The following ERBB4 variants were observed in gnomAD, a reference collection of about 807,000 sequenced individuals.
The protein encoded by ERBB4 is erb-b2 receptor tyrosine kinase 4.
ERBB4 carries 42 observed loss-of-function variants against 158.0 expected under a neutral mutation model. The ratio of observed to expected loss-of-function variants is 0.27; its 90% CI spans 0.21 to 0.34. The LOEUF (loss-of-function observed/expected upper bound fraction) is 0.34. Among genes scored for constraint, ERBB4 ranks in the 10% least tolerant of loss-of-function variants. ERBB4 has a pLI of 1.00. For synonymous variants in ERBB4, 583 were observed against 558.7 expected (o/e 1.04, Z -0.61); for missense variants, 1,333 against 1,624.1 (o/e 0.82, Z 3.08).
At chr2:212,511,003 T>C (rs993505202) in intron 1 of ERBB4, among the ~76,000 whole-genome samples, 1 of 152,112 alleles carries the variant, frequency 6.6e-6, no homozygotes, top group Non-Finnish European at 1.5e-5. Context: ...AAAAATGGAA[T>C]GCAATGATAT....
chr2:212,454,250 C>T (rs984367401), intron 1 of ERBB4, among the ~76,000 whole-genome samples: 4 of 152,224 alleles, frequency 2.6e-5, no homozygotes, highest in Middle Eastern at 6.8e-3. Flanking sequence ...TATTCCTTAA[C>T]TTCTATAACT....
chr2:211,817,137 A>T (rs905866771), intron 3 of ERBB4, among the ~76,000 whole-genome samples: 1 of 152,210 alleles, frequency 6.6e-6, no homozygotes, highest in African/African-American at 2.4e-5. Context: ...TCAAACAGTC[A>T]CGGGGGGATT....
intron 2 of ERBB4, among the ~76,000 whole-genome samples, chr2:212,030,868 C>G (rs564245963): frequency 6.6e-6 from 1 of 152,046 alleles, no homozygotes; most frequent in Non-Finnish European, 1.5e-5. Context: ...TTGAGCCAGC[C>G]GTCATGGTAT....
chr2:211,788,190 T>G (rs1231094525), intron 3 of ERBB4, 31 bp from the exon 4 acceptor site: 7 of 1,575,496 alleles, frequency 4.4e-6, no homozygotes, highest in Middle Eastern at 1.7e-4. Context: ...ACAAATTTTT[T>G]GTCAAACTGC....
intron 1 of ERBB4, among the ~76,000 whole-genome samples, chr2:212,248,014 C>T (rs2084376709): frequency 6.6e-6 from 1 of 152,000 alleles, no homozygotes; most frequent in Admixed American, 6.6e-5. Context: ...AAATTATCTA[C>T]AGTGATTATC....
At chr2:211,566,900 A>G (rs944384278) in intron 19 of ERBB4, among the ~76,000 whole-genome samples, 2 of 152,094 alleles carry the variant, frequency 1.3e-5, no homozygotes, top group African/African-American at 4.8e-5. Context: ...GTGTGGCCCC[A>G]CTCCCAGATA....
At chr2:211,534,665 C>A (rs1044979248) in intron 20 of ERBB4, among the ~76,000 whole-genome samples, 2 of 151,938 alleles carry the variant, frequency 1.3e-5, no homozygotes, top group Non-Finnish European at 2.9e-5. Context: ...GTTAAATTTT[C>A]GGTTAAATCA....
chr2:212,379,577 A>G (rs4467217), intron 1 of ERBB4, among the ~76,000 whole-genome samples: 452 of 151,776 alleles, frequency 3.0e-3, no homozygotes, highest in South Asian at 3.9e-3. Flanking sequence ...ATTCTTTGTC[A>G]ATCTATTGCC....
chr2:211,718,182 G>C (rs986588211), intron 7 of ERBB4, among the ~76,000 whole-genome samples: 1 of 152,102 alleles, frequency 6.6e-6, no homozygotes, highest in Non-Finnish European at 1.5e-5. Flanking sequence ...AAAGTGTTGG[G>C]ATTACAGGCA....
At chr2:212,520,141 C>T (rs1351960847) in intron 1 of ERBB4, among the ~76,000 whole-genome samples, 2 of 151,838 alleles carry the variant, frequency 1.3e-5, no homozygotes, top group Non-Finnish European at 2.9e-5. Flanking sequence ...GTTGTTAACA[C>T]TTCTGTCTTC....
chr2:211,851,510 C>T (rs1416501003), intron 3 of ERBB4, among the ~76,000 whole-genome samples: 3 of 151,946 alleles, frequency 2.0e-5, no homozygotes, highest in South Asian at 4.1e-4. Context: ...AAACTAAAAG[C>T]GCTGGCTTCT....
chr2:211,957,384 G>A (rs1030297337), intron 2 of ERBB4, among the ~76,000 whole-genome samples: 1 of 152,012 alleles, frequency 6.6e-6, no homozygotes, highest in Admixed American at 6.6e-5. Flanking sequence ...AGAAACCAAC[G>A]CTACAGAGCC....
At chr2:211,459,153 T>C (rs575399850) in intron 20 of ERBB4, among the ~76,000 whole-genome samples, 1 of 152,204 alleles carries the variant, frequency 6.6e-6, no homozygotes, top group Non-Finnish European at 1.5e-5. Flanking sequence ...ACTGATTATA[T>C]AGCATGCATA....
intron 15 of ERBB4, 119 bp downstream of exon 15, chr2:211,665,204 A>T: frequency 9.8e-7 from 1 of 1,022,026 alleles, no homozygotes; most frequent in Non-Finnish European, 1.5e-6. Flanking sequence ...TCAGCATTTT[A>T]AATATAAGGA....
intron 1 of ERBB4, among the ~76,000 whole-genome samples, chr2:212,244,086 T>C (rs988472157): frequency 2.6e-5 from 4 of 152,080 alleles, no homozygotes; most frequent in Non-Finnish European, 5.9e-5. Context: ...GTAAAAACCT[T>C]ACGGTTTCAA....
At chr2:211,968,709 T>C (rs1173021264) in intron 2 of ERBB4, among the ~76,000 whole-genome samples, 1 of 152,036 alleles carries the variant, frequency 6.6e-6, no homozygotes, top group Non-Finnish European at 1.5e-5. Context: ...ACAATACCTA[T>C]TAAAGTAAGT....
intron 2 of ERBB4, among the ~76,000 whole-genome samples, chr2:211,999,052 T>G (rs952635816): frequency 1.3e-5 from 2 of 151,802 alleles, no homozygotes; most frequent in African/African-American, 4.8e-5. Context: ...TTTATTTTAA[T>G]CAAACTAGAA....
chr2:211,836,383 A>G (rs1446611654), intron 3 of ERBB4, among the ~76,000 whole-genome samples: 1 of 152,096 alleles, frequency 6.6e-6, no homozygotes, highest in Admixed American at 6.6e-5. Context: ...ACTTCCTCCC[A>G]TGAAGGGTTA....
At chr2:211,875,083 A>G (rs951655849) in intron 3 of ERBB4, among the ~76,000 whole-genome samples, 4 of 144,478 alleles carry the variant, frequency 2.8e-5, no homozygotes, top group Admixed American at 2.7e-4. Flanking sequence ...AATCTAAGGA[A>G]CATGCAGATA....
Sources: gnomAD v4.1 joint callset for allele counts (sites outside exome capture counted in the v4.1 genomes callset) on GRCh38, gnomAD v4.1.1 for gene constraint, MANE v1.5 for transcripts, NCBI Gene and HGNC (gene_info 2026-07-23, HGNC 2026-07-21) for gene names.